Variants in KL observed in about 807,000 individuals in gnomAD.
KL encodes klotho.
Under a neutral mutation model 84.2 loss-of-function variants are expected in KL, and 62 were observed. That is an observed-to-expected ratio of 0.74 (90% CI 0.60 to 0.91). The LOEUF (loss-of-function observed/expected upper bound fraction) is 0.91, where lower values mean the gene tolerates loss of function less well. Ranked by LOEUF, KL falls within the 40% of genes least tolerant of loss-of-function variation. The probability of loss-of-function intolerance (pLI) is 0.00; values close to 1 mark genes in which losing one functional copy is unlikely to be tolerated. For synonymous variants in KL, 528 were observed against 528.0 expected (o/e 1.00, Z 0.00); for missense variants, 1,261 against 1,305.7 (o/e 0.97, Z 0.53).
chr13:33,052,188 A>G (rs1467701852), intron 1 of KL, among the ~76,000 whole-genome samples: 1 of 152,166 alleles, frequency 6.6e-6, no homozygotes, highest in Admixed American at 6.6e-5. Context: ...AACTCCTGGT[A>G]TCAAGGGATT....
chr13:33,040,281 G>A (rs1871291282), intron 1 of KL, among the ~76,000 whole-genome samples: 1 of 152,188 alleles, frequency 6.6e-6, no homozygotes, highest in Non-Finnish European at 1.5e-5. Flanking sequence ...CAAACATCAG[G>A]CTAGTTGGCA....
At chr13:33,045,774 C>T (rs1259854413) in intron 1 of KL, among the ~76,000 whole-genome samples, 2 of 152,160 alleles carry the variant, frequency 1.3e-5, no homozygotes, top group East Asian at 1.9e-4. Flanking sequence ...CCACCACGCC[C>T]GGCCCATAAA....
intron 1 of KL, among the ~76,000 whole-genome samples, chr13:33,040,793 A>G (rs949378844): frequency 2.0e-4 from 31 of 152,274 alleles, no homozygotes; most frequent in African/African-American, 7.0e-4. Context: ...AGGCATCTTC[A>G]TTGAAAGCTA....
In KL at chr13:33,017,063, C is replaced by T; in HGVS notation, c.623C>T (p.Ala208Val). The T allele has an allele frequency of 1.9e-6, 3 of 1,601,084 alleles. No individual in the cohort carries two copies. The highest frequency in any genetic ancestry group is 2.2e-5 in the East Asian group (1 of 44,644). The change falls in exon 1 of 5, where the codon GCC becomes GTC. Residue 208 changes from alanine to valine, a missense_variant. Ala to Val is a moderately conservative substitution (Grantham distance 64, BLOSUM62 0). Transcript: ENST00000380099. The stretch of plus-strand genomic sequence containing the variant: ...CTGCAGGACGCCTACGGCGGCTGGG[C>T]CAACCGCGCCCTGGCCGACCACTTC... ...QRLQDAYGGW[A>V]NRALADHFRD...
At chr13:33,056,877 G>A (rs1426995444) in intron 3 of KL, among the ~76,000 whole-genome samples, 2 of 151,996 alleles carry the variant, frequency 1.3e-5, no homozygotes, top group African/African-American at 4.8e-5. Flanking sequence ...AGGCTTCTGA[G>A]CTCCCTCCTG....
chr13:33,061,389 T>C lies in KL; in HGVS notation c.2310T>C (p.Tyr770=), dbSNP rs779151817. Residue 770 remains tyrosine (Y), a synonymous_variant, in exon 4 of 5, where the codon TAT becomes TAC. Coordinates refer to ENST00000380099, the MANE Select transcript of KL (RefSeq NM_004795.4). Reference sequence around the variant, plus strand: ...AGCCCATTTTCGGCTCTGGAGATTATCCATGGGTGATGAGGGACTGGCTGA... The same window carrying C: ...AGCCCATTTTCGGCTCTGGAGATTACCCATGGGTGATGAGGGACTGGCTGA... The part of the protein sequence containing the change: ...LAEPIFGSGD[Y]PWVMRDWLNQ... The C allele has an allele frequency of 2.5e-6, 4 of 1,614,192 alleles. No individual in the cohort carries two copies. In the South Asian group the frequency reaches 4.4e-5, roughly 18 times the overall value.
intron 1 of KL, among the ~76,000 whole-genome samples, chr13:33,036,343 A>C (rs903360724): frequency 6.6e-6 from 1 of 151,818 alleles, no homozygotes; most frequent in East Asian, 1.9e-4. Flanking sequence ...AAACACATGC[A>C]CACACACCAC....
intron 1 of KL, among the ~76,000 whole-genome samples, chr13:33,025,466 C>T (rs1359460497): frequency 6.6e-6 from 1 of 152,142 alleles, no homozygotes; most frequent in Admixed American, 6.5e-5. Flanking sequence ...TTGCTGGGCA[C>T]ACAAAGTGAG....
At chr13:33,053,626 G>C (rs775578355) in intron 1 of KL, 141 bp from the exon 2 acceptor site, 9 of 791,864 alleles carry the variant, frequency 1.1e-5, no homozygotes, top group Non-Finnish European at 1.9e-5. Flanking sequence ...ATAATGTATT[G>C]GTTCTAGCTG....
At position 33,016,858 on chromosome 13, in the gene KL, C is replaced by A; in HGVS notation, c.418C>A (p.Arg140Ser). The A allele has an allele frequency of 6.2e-7, 1 of 1,612,782 alleles. No homozygotes were observed. Among genetic ancestry groups the A allele is most frequent in the Non-Finnish European group, 8.5e-7 (1 of 1,179,816 alleles). The change falls in exon 1 of 5, where the codon CGC becomes AGC. Residue 140 changes from arginine to serine, a missense_variant. Physicochemically the swap from Arg to Ser is moderately radical, Grantham distance 110 (BLOSUM62 -1). Coordinates refer to ENST00000380099, the MANE Select transcript of KL (RefSeq NM_004795.4). ...NNVFRDTEAL[R>S]ELGVTHYRFS... ...CGTCTTCCGCGACACGGAGGCGCTG[C>A]GCGAGCTCGGGGTCACTCACTACCG...
At chr13:33,017,901 G>T (rs1870432065) in intron 1 of KL, among the ~76,000 whole-genome samples, 1 of 152,234 alleles carries the variant, frequency 6.6e-6, no homozygotes. Flanking sequence ...AGAAACAACT[G>T]CAGGGTGATA....
chr13:33,018,530 G>A (rs1870454418), intron 1 of KL, among the ~76,000 whole-genome samples: 2 of 152,160 alleles, frequency 1.3e-5, no homozygotes, highest in Admixed American at 1.3e-4. Flanking sequence ...GATTTGTTTG[G>A]AAACACATTG....
chr13:33,060,642 G>A (rs763071927), intron 3 of KL, 37 bp from the exon 4 acceptor site: 1 of 1,613,396 alleles, frequency 6.2e-7, no homozygotes, highest in Non-Finnish European at 8.5e-7. Flanking sequence ...CCTCAGGACT[G>A]CCCAGGTGAC....
chr13:33,039,910 C>T (rs1485103610), intron 1 of KL, among the ~76,000 whole-genome samples: 1 of 152,076 alleles, frequency 6.6e-6, no homozygotes, highest in Non-Finnish European at 1.5e-5. Flanking sequence ...TTGTAGAAGA[C>T]TGTAAGGCTT....
Position 33,061,632 on chromosome 13 carries a change from G to A in KL, c.2553G>A (p.Gly851=), listed in dbSNP as rs1238123999. The A allele has an allele frequency of 1.9e-6, 3 of 1,614,096 alleles. No individual in the cohort carries two copies. The highest frequency in any genetic ancestry group is 1.7e-6 in the Non-Finnish European group (2 of 1,180,040). Residue 851 remains glycine (G), a synonymous_variant, in exon 4 of 5, where the codon GGG becomes GGA. Coordinates refer to ENST00000380099, the MANE Select transcript of KL (RefSeq NM_004795.4). ...GTCAGGTGGCGGTAGTGCCCTGGGG[G>A]TTGCGCAAAGTGCTGAACTGGCTGA... ...SPSQVAVVPW[G]LRKVLNWLKF...
At position 33,063,846 on chromosome 13, in the gene KL, C is replaced by T. The variant is rs1383337518; in HGVS notation, c.2702-3C>T. The T allele has an allele frequency of 3.7e-6, 6 of 1,613,350 alleles. No individual in the cohort carries two copies. Among genetic ancestry groups the T allele is most frequent in the South Asian group, 2.2e-5 (2 of 91,046 alleles). ...CTACTCTCCTATCCTTTTGTTTTTC[C>T]AGCCCACATACTGGATGGTATCAAT... On this transcript the variant is annotated splice_polypyrimidine_tract_variant and splice_region_variant and intron_variant, in intron 4 of 4. Coordinates refer to ENST00000380099, the MANE Select transcript of KL (RefSeq NM_004795.4).
chr13:33,033,896 A>G (rs1280193741), intron 1 of KL, among the ~76,000 whole-genome samples: 2 of 151,976 alleles, frequency 1.3e-5, no homozygotes, highest in East Asian at 1.9e-4. Context: ...TTTAAAAAAG[A>G]TAAAAACAGA....
intron 1 of KL, among the ~76,000 whole-genome samples, chr13:33,035,152 A>T (rs1192812468): frequency 6.6e-6 from 1 of 152,146 alleles, no homozygotes; most frequent in African/African-American, 2.4e-5. Context: ...AGCATATTTC[A>T]TTTTCCTGTA....
At chr13:33,052,482 T>C (rs570173987) in intron 1 of KL, among the ~76,000 whole-genome samples, 32 of 152,368 alleles carry the variant, frequency 2.1e-4, no homozygotes, top group African/African-American at 7.5e-4. Context: ...TATAGATAGC[T>C]GCTTCAGGTC....
Sources: gnomAD v4.1 joint callset for allele counts (sites outside exome capture counted in the v4.1 genomes callset) on GRCh38, gnomAD v4.1.1 for gene constraint, MANE v1.5 for transcripts, NCBI Gene and HGNC (gene_info 2026-07-23, HGNC 2026-07-21) for gene names.